C12orf42: variants seen among roughly 807,000 people sequenced by gnomAD.
C12orf42 encodes chromosome 12 open reading frame 42.
In C12orf42, 25 loss-of-function variants were observed where a neutral mutation model predicts 21.6. The ratio of observed to expected loss-of-function variants is 1.16; its 90% CI spans 0.84 to 1.62. The LOEUF (loss-of-function observed/expected upper bound fraction) is 1.62, where lower values mean the gene tolerates loss of function less well. C12orf42 is among the 40% of genes most tolerant of loss of function. C12orf42 has a pLI of 0.00. For synonymous variants in C12orf42, 174 were observed against 175.0 expected (o/e 0.99, Z 0.05); for missense variants, 483 against 459.3 (o/e 1.05, Z -0.47).
downstream of C12orf42, among the ~76,000 whole-genome samples, chr12:103,235,114 A>G (rs1353775441): frequency 6.6e-6 from 1 of 152,186 alleles, no homozygotes; most frequent in Non-Finnish European, 1.5e-5. Flanking sequence ...ATTGTTGGAT[A>G]TGAATAGACT....
chr12:103,087,421 T>C, the C12orf42 span, among the ~76,000 whole-genome samples: 1 of 152,178 alleles, frequency 6.6e-6, no homozygotes, highest in African/African-American at 2.4e-5. Flanking sequence ...ACATCCACTT[T>C]GGATCCTAGC....
At chr12:103,314,172 G>A (rs1359862177) in intron 4 of C12orf42, among the ~76,000 whole-genome samples, 2 of 152,092 alleles carry the variant, frequency 1.3e-5, no homozygotes, top group Admixed American at 1.3e-4. Context: ...CCAGATGGAT[G>A]GAGGGAAAGG....
At chr12:103,508,024 A>C in the C12orf42 span, among the ~76,000 whole-genome samples, 1 of 152,172 alleles carries the variant, frequency 6.6e-6, no homozygotes, top group East Asian at 1.9e-4. Context: ...CTGGCTCTCT[A>C]ACTTGGGCAA....
At chr12:103,135,284 A>G in the C12orf42 span, among the ~76,000 whole-genome samples, 4 of 151,934 alleles carry the variant, frequency 2.6e-5, no homozygotes, top group Admixed American at 2.0e-4. Flanking sequence ...GCAAAATCCT[A>G]TCTCTACTAA....
intron 4 of C12orf42, chr12:103,368,175 A>G (rs2044799539): frequency 6.7e-6 from 4 of 594,768 alleles, no homozygotes; most frequent in Non-Finnish European, 5.6e-6. Context: ...TATGGGGAAT[A>G]TAACTAATAC....
chr12:103,281,897 GAAAGAAAAGAAGAAAGAA>G (rs1192170994), intron 4 of C12orf42, among the ~76,000 whole-genome samples: 3 of 143,472 alleles, frequency 2.1e-5, no homozygotes, highest in Non-Finnish European at 1.5e-5. Flanking sequence ...GAAAAAGAAA[GAAAGAAAAGAAGAAAGAA>G]AAAGAAAGAA....
At chr12:103,549,278 A>G in the C12orf42 span, among the ~76,000 whole-genome samples, 1 of 152,034 alleles carries the variant, frequency 6.6e-6, no homozygotes, top group Non-Finnish European at 1.5e-5. Flanking sequence ...TTTATTTTTA[A>G]ACAATTGTAG....
chr12:103,235,597 C>T (rs547436029), downstream of C12orf42, among the ~76,000 whole-genome samples: 18 of 152,192 alleles, frequency 1.2e-4, no homozygotes, highest in East Asian at 3.5e-3. Flanking sequence ...TGTGTTTATG[C>T]ATAGTGTTAC....
At chr12:103,085,158 A>G in the C12orf42 span, among the ~76,000 whole-genome samples, 1 of 152,202 alleles carries the variant, frequency 6.6e-6, no homozygotes, top group Non-Finnish European at 1.5e-5. Flanking sequence ...AATGACTAGA[A>G]GTACCATTAC....
At position 103,370,595 on chromosome 12, in the gene C12orf42, C is replaced by T. The variant is rs751352843; in HGVS notation, c.148-1597G>A. The stretch of plus-strand genomic sequence containing the variant: ...TTTTTTGCACCAATATGGATGAAGC[C>T]GGAGGCCATTATCTGAAGCAAACTA... On this transcript the variant is annotated intron_variant, in intron 3 of 5. Transcript: ENST00000548883. 2.0e-5 allele frequency among the ~76,000 whole-genome samples: 3 copies of T among 151,920 alleles called. 1 individual carries two copies. The highest frequency in any genetic ancestry group is 4.2e-4 in the South Asian group (2 of 4,808).
intron 2 of C12orf42, among the ~76,000 whole-genome samples, chr12:103,424,248 C>G (rs944749361): frequency 5.3e-5 from 8 of 152,238 alleles, no homozygotes; most frequent in African/African-American, 1.7e-4. Context: ...AATCTACGAA[C>G]TGAATCTGTA....
At position 103,434,619 on chromosome 12, in the gene C12orf42, C is replaced by G. The variant is rs553345199; in HGVS notation, c.79-32944G>C. 7.2e-5 allele frequency among the ~76,000 whole-genome samples: 11 copies of G among 152,076 alleles called. No homozygotes were observed. The East Asian group carries it at 2.1e-3, about 29-fold the overall frequency. Reference sequence around the variant, plus strand: ...ACAAGGGGTCAGGGAGTTCCCTTTCCGAGTCAAAGAAAGGGGTGACTGACG... The same window carrying G: ...ACAAGGGGTCAGGGAGTTCCCTTTCGGAGTCAAAGAAAGGGGTGACTGACG... On this transcript the variant is annotated intron_variant, in intron 2 of 5. Coordinates refer to ENST00000548883, the MANE Select transcript of C12orf42 (RefSeq NM_198521.5).
rs79395135 is a variant in C12orf42 at position 103,293,184 on chromosome 12, C to T, written n.338-15974G>A. Among the ~76,000 whole-genome samples, 1,359 of 152,154 alleles carry T rather than the reference C, an allele frequency of 8.9e-3. 20 individuals carry two copies. The highest frequency in any genetic ancestry group is 0.031 in the African/African-American group (1,296 of 41,514). On this transcript the variant is annotated intron_variant and non_coding_transcript_variant, in intron 4 of 6. Coordinates refer to the C12orf42 transcript ENST00000546526. The stretch of plus-strand genomic sequence containing the variant: ...TTAATTCCCTTCCCTTTCAGGAACC[C>T]ATCTCTGGTCTCCTCTTTCTCTCCT...
chr12:103,525,013 G>C, the C12orf42 span, among the ~76,000 whole-genome samples: 1 of 151,502 alleles, frequency 6.6e-6, no homozygotes, highest in Non-Finnish European at 1.5e-5. Context: ...TTTGTTTTTT[G>C]TTTGTTTTGT....
At chr12:103,138,320 C>T in the C12orf42 span, among the ~76,000 whole-genome samples, 1 of 152,118 alleles carries the variant, frequency 6.6e-6, no homozygotes, top group East Asian at 1.9e-4. Flanking sequence ...ATCATGAGGG[C>T]GGATTTCCTC....
At chr12:103,086,629 G>A in the C12orf42 span, among the ~76,000 whole-genome samples, 31 of 151,728 alleles carry the variant, frequency 2.0e-4, no homozygotes, top group Admixed American at 1.6e-3. Context: ...AGAGGGTGCC[G>A]TGCAACTAAA....
chr12:103,343,806 A>G (rs1242481994), intron 4 of C12orf42, among the ~76,000 whole-genome samples: 1 of 152,002 alleles, frequency 6.6e-6, no homozygotes, highest in Non-Finnish European at 1.5e-5. Context: ...AGAAAAAAAG[A>G]AAACATTTCC....
intron 10 of C12orf42, among the ~76,000 whole-genome samples, chr12:103,258,379 A>G (rs1433971962): frequency 2.0e-5 from 3 of 152,150 alleles, no homozygotes; most frequent in Non-Finnish European, 4.4e-5. Flanking sequence ...CAGCAAATGC[A>G]TAATTAATAA....
At chr12:103,312,888 G>A (rs190932298) in intron 4 of C12orf42, among the ~76,000 whole-genome samples, 182 of 152,288 alleles carry the variant, frequency 1.2e-3, no homozygotes, top group South Asian at 0.011. Flanking sequence ...AAATGCTGAT[G>A]TATTCATTTT....
Sources: allele counts gnomAD v4.1 joint callset (sites outside exome capture counted in the v4.1 genomes callset), GRCh38; gene constraint gnomAD v4.1.1; transcripts MANE v1.5; gene names NCBI Gene and HGNC (gene_info 2026-07-23, HGNC 2026-07-21).